RANBP2: variants seen among roughly 807,000 people sequenced by gnomAD.
The protein encoded by RANBP2 is RAN binding protein 2.
In RANBP2, 57 loss-of-function variants were observed where a neutral mutation model predicts 303.6. The observed-to-expected ratio is 0.19, with a 90% CI of 0.15 to 0.23. The LOEUF is 0.23. RANBP2 is among the 10% of genes least tolerant of loss of function. The probability of loss-of-function intolerance (pLI) is 1.00; values close to 1 mark genes in which losing one functional copy is unlikely to be tolerated. For missense variants in RANBP2, 3,138 were observed against 3,780.8 expected (o/e 0.83, Z 4.46); for synonymous variants, 1,167 against 1,301.5 (o/e 0.90, Z 2.23).
At chr2:109,506,633 G>T in the RANBP2 span, among the ~76,000 whole-genome samples, 2 of 152,194 alleles carry the variant, frequency 1.3e-5, no homozygotes, top group African/African-American at 4.8e-5. Flanking sequence ...AACAGCCCCC[G>T]AAGTGTGGTT....
chr2:109,016,272 T>C, the RANBP2 span, among the ~76,000 whole-genome samples: 5 of 151,616 alleles, frequency 3.3e-5, no homozygotes, highest in African/African-American at 1.2e-4. Flanking sequence ...GTATTTTTAG[T>C]AGAGACAGGG....
At chr2:109,290,740 G>A in the RANBP2 span, among the ~76,000 whole-genome samples, 1 of 152,246 alleles carries the variant, frequency 6.6e-6, no homozygotes, top group Non-Finnish European at 1.5e-5. Context: ...AGGTGCTGCT[G>A]TTACACCCAT....
the RANBP2 span, among the ~76,000 whole-genome samples, chr2:108,821,108 A>G: frequency 2.6e-5 from 4 of 152,236 alleles, no homozygotes; most frequent in African/African-American, 7.2e-5. Context: ...CTGTAATCCT[A>G]GCACTTTAGG....
the RANBP2 span, among the ~76,000 whole-genome samples, chr2:108,984,266 C>G: frequency 6.6e-6 from 1 of 152,102 alleles, no homozygotes. Context: ...ACTTGGAGAC[C>G]CAGCTCCTTA....
At chr2:109,544,460 A>T in the RANBP2 span, 34 of 1,386,910 alleles carry the variant, frequency 2.5e-5, no homozygotes, top group Non-Finnish European at 3.1e-5. Flanking sequence ...CAAAAACACC[A>T]AACCATATTT....
chr2:109,536,757 T>C, the RANBP2 span, among the ~76,000 whole-genome samples: 2 of 152,160 alleles, frequency 1.3e-5, no homozygotes, highest in African/African-American at 4.8e-5. Context: ...TCCTACGTAT[T>C]GTGGGAGGAA....
intron 1 of RANBP2, among the ~76,000 whole-genome samples, chr2:108,721,635 CTG>C (rs1360780841): frequency 6.6e-6 from 1 of 152,082 alleles, no homozygotes; most frequent in Non-Finnish European, 1.5e-5. Context: ...TTGGTAGAGA[CTG>C]GGTTTCACCA....
At chr2:108,724,359 C>T (rs1694526025) in intron 1 of RANBP2, among the ~76,000 whole-genome samples, 1 of 152,302 alleles carries the variant, frequency 6.6e-6, no homozygotes, top group African/African-American at 2.4e-5. Flanking sequence ...GATGGGATTT[C>T]ACCATGTTGG....
chr2:108,973,809 A>G, the RANBP2 span, among the ~76,000 whole-genome samples: 1 of 152,216 alleles, frequency 6.6e-6, no homozygotes, highest in Non-Finnish European at 1.5e-5. Context: ...AAGGCCCTTC[A>G]ACTTTTGAAT....
At chr2:109,493,863 C>A in the RANBP2 span, among the ~76,000 whole-genome samples, 20 of 152,136 alleles carry the variant, frequency 1.3e-4, no homozygotes, top group Non-Finnish European at 2.2e-4. Context: ...AACACATATT[C>A]AGACACACAA....
chr2:109,652,080 A>AT, the RANBP2 span, among the ~76,000 whole-genome samples: 5 of 152,186 alleles, frequency 3.3e-5, no homozygotes, highest in African/African-American at 1.2e-4. Flanking sequence ...GCTGCACGGT[A>AT]GTGGGTTGCT....
At chr2:109,115,896 G>T in the RANBP2 span, among the ~76,000 whole-genome samples, 7 of 152,162 alleles carry the variant, frequency 4.6e-5, no homozygotes, top group African/African-American at 1.4e-4. Flanking sequence ...ATGAAGCTTA[G>T]TTTGGCTGGA....
At chr2:109,268,523 G>T in the RANBP2 span, among the ~76,000 whole-genome samples, 1 of 152,152 alleles carries the variant, frequency 6.6e-6, no homozygotes, top group Non-Finnish European at 1.5e-5. Flanking sequence ...CAGGAGCCTG[G>T]CCCCATTGCC....
chr2:108,909,882 C>A, the RANBP2 span, among the ~76,000 whole-genome samples: 1 of 152,248 alleles, frequency 6.6e-6, no homozygotes, highest in East Asian at 1.9e-4. Context: ...CCCAGCCCTG[C>A]TGTTCACTAG....
chr2:109,141,576 C>T, the RANBP2 span: 3 of 154,912 alleles, frequency 1.9e-5, no homozygotes, highest in Non-Finnish European at 4.4e-5. Context: ...GGCTGAAGCT[C>T]CAACCCACTG....
At chr2:109,092,905 A>G in the RANBP2 span, among the ~76,000 whole-genome samples, 6 of 152,256 alleles carry the variant, frequency 3.9e-5, no homozygotes, top group African/African-American at 1.4e-4. Flanking sequence ...TAGAACGTGG[A>G]TTTAGGACCC....
At chr2:109,038,269 C>A in the RANBP2 span, among the ~76,000 whole-genome samples, 2,146 of 152,272 alleles carry the variant, frequency 0.014, 38 homozygotes, top group African/African-American at 0.049. Flanking sequence ...AAACCATATA[C>A]AAATATTAGC....
the RANBP2 span, among the ~76,000 whole-genome samples, chr2:109,415,163 C>T: frequency 1.3e-5 from 2 of 152,274 alleles, no homozygotes; most frequent in African/African-American, 2.4e-5. Context: ...GAGTCTCCTC[C>T]AGACTCCCAG....
the RANBP2 span, among the ~76,000 whole-genome samples, chr2:109,418,266 C>T: frequency 6.6e-6 from 1 of 152,140 alleles, no homozygotes; most frequent in African/African-American, 2.4e-5. Flanking sequence ...GAGGTGGACC[C>T]CTTCCTCCTC....
Sources: gnomAD v4.1 joint callset for allele counts (sites outside exome capture counted in the v4.1 genomes callset) on GRCh38, gnomAD v4.1.1 for gene constraint, MANE v1.5 for transcripts, NCBI Gene and HGNC (gene_info 2026-07-23, HGNC 2026-07-21) for gene names.